The following CFAP45 variants were observed in gnomAD, a reference collection of about 807,000 sequenced individuals.
CFAP45 encodes the protein cilia- and flagella-associated protein 45.
CFAP45 carries 43 observed loss-of-function variants against 75.6 expected under a neutral mutation model. The ratio of observed to expected loss-of-function variants is 0.57; its 90% CI spans 0.45 to 0.73. The LOEUF is 0.73. CFAP45 is among the 30% of genes least tolerant of loss of function. The pLI is 0.00. For synonymous variants in CFAP45, 223 were observed against 244.6 expected (o/e 0.91, Z 0.82); for missense variants, 689 against 701.5 (o/e 0.98, Z 0.20).
rs1469229713 is a variant in CFAP45, at chr1:159,876,692, C to T, written c.1216G>A (p.Glu406Lys). 1 of 1,614,206 alleles carries T rather than the reference C, an allele frequency of 6.2e-7. No homozygotes were observed. Among genetic ancestry groups the T allele is most frequent in the East Asian group, 2.2e-5 (1 of 44,876 alleles). The stretch of plus-strand genomic sequence containing the variant: ...ATCTTCTTCCGCGCATTTTCCTTTT[C>T]CTTTCTGCGCCACTCTCTGTCTGCA... The part of the protein sequence containing the change: ...EVADREWRRK[E>K]KENARKKMET... The change falls in exon 10 of 12, where the codon GAA becomes AAA. Residue 406 changes from glutamate to lysine, a missense_variant. Coordinates refer to ENST00000368099, the MANE Select transcript of CFAP45 (RefSeq NM_012337.3).
At chr1:159,895,905 T>G (rs1004759455) in intron 1 of CFAP45, among the ~76,000 whole-genome samples, 2 of 152,188 alleles carry the variant, frequency 1.3e-5, no homozygotes, top group Non-Finnish European at 2.9e-5. Flanking sequence ...GTAGGAACAA[T>G]ATAGCAATGT....
intron 11 of CFAP45, 103 bp from the exon 12 acceptor site, chr1:159,872,666 C>A: frequency 2.0e-6 from 2 of 999,872 alleles, no homozygotes; most frequent in Non-Finnish European, 1.6e-6. Flanking sequence ...GGGGCCTGCA[C>A]CCCCCAACCC....
At chr1:159,897,048 G>A (rs146010048) in intron 1 of CFAP45, among the ~76,000 whole-genome samples, 3 of 152,062 alleles carry the variant, frequency 2.0e-5, no homozygotes, top group Admixed American at 1.3e-4. Context: ...TGGATCCATC[G>A]AACTCAGGAG....
chr1:159,876,780 C>A (rs757923171), intron 9 of CFAP45, 31 bp from the exon 10 acceptor site: 60 of 1,612,902 alleles, frequency 3.7e-5, no homozygotes, highest in Non-Finnish European at 4.8e-5. Flanking sequence ...CCAGTGAGGG[C>A]ACAAAATAGC....
chr1:159,897,456 G>A (rs1380896804), intron 1 of CFAP45, among the ~76,000 whole-genome samples: 5 of 151,536 alleles, frequency 3.3e-5, no homozygotes, highest in African/African-American at 9.7e-5. Context: ...GGTGGCACAC[G>A]CCTGTAGTCC....
At chr1:159,882,389 T>G (rs1023669308) in intron 7 of CFAP45, among the ~76,000 whole-genome samples, 7 of 152,232 alleles carry the variant, frequency 4.6e-5, no homozygotes, top group Admixed American at 3.9e-4. Context: ...AATCATGTAT[T>G]TATTTACTTC....
intron 5 of CFAP45, among the ~76,000 whole-genome samples, chr1:159,887,085 T>A (rs960509301): frequency 1.8e-4 from 28 of 152,310 alleles, no homozygotes; most frequent in South Asian, 1.2e-3. Flanking sequence ...TAGAGACCCA[T>A]GAACTCCAGG....
intron 7 of CFAP45, among the ~76,000 whole-genome samples, chr1:159,881,340 C>T (rs1435249954): frequency 6.6e-6 from 1 of 152,178 alleles, no homozygotes; most frequent in African/African-American, 2.4e-5. Flanking sequence ...AAAGTATCAA[C>T]CTTCTCTGGA....
At chr1:159,883,531 G>A (rs11265291) in intron 7 of CFAP45, among the ~76,000 whole-genome samples, 79,708 of 151,528 alleles carry the variant, frequency 0.53, 23,648 homozygotes, top group Non-Finnish European at 0.66. Flanking sequence ...ACATGTAAGA[G>A]AGTGTCCATG....
At chr1:159,888,304 G>T in intron 4 of CFAP45, 48 bp downstream of exon 4, 6 of 1,591,696 alleles carry the variant, frequency 3.8e-6, no homozygotes, top group South Asian at 1.1e-5. Flanking sequence ...AGTGCATTTT[G>T]ATTCTGCCAC....
chr1:159,876,197 C>A, intron 10 of CFAP45: 1 of 301,912 alleles, frequency 3.3e-6, no homozygotes, highest in Non-Finnish European at 6.3e-6. Flanking sequence ...TCTATCTTTC[C>A]TAAACCACTC....
chr1:159,881,515 G>A (rs1229146462), intron 7 of CFAP45, among the ~76,000 whole-genome samples: 1 of 152,198 alleles, frequency 6.6e-6, no homozygotes, highest in Admixed American at 6.5e-5. Context: ...AAGGGACCTT[G>A]TGTCACACAT....
intron 1 of CFAP45, among the ~76,000 whole-genome samples, chr1:159,897,584 A>G (rs1353052509): frequency 6.6e-6 from 1 of 152,234 alleles, no homozygotes; most frequent in Non-Finnish European, 1.5e-5. Context: ...CTCCATCTCA[A>G]AAAGAAAAAG....
intron 1 of CFAP45, chr1:159,898,059 G>A (rs969882414): frequency 1.1e-5 from 11 of 965,072 alleles, no homozygotes; most frequent in Non-Finnish European, 1.4e-5. Context: ...TTTCCTAGAT[G>A]TCTTACCCAT....
At chr1:159,898,240 C>T in intron 1 of CFAP45, 1 of 985,420 alleles carries the variant, frequency 1.0e-6, no homozygotes, top group Non-Finnish European at 1.2e-6. Context: ...CAATTATCCT[C>T]TTTCTTCAAT....
intron 5 of CFAP45, 49 bp downstream of exon 5, chr1:159,887,792 G>C: frequency 6.4e-7 from 1 of 1,563,704 alleles, no homozygotes; most frequent in Non-Finnish European, 8.7e-7. Flanking sequence ...GGGGAGGGCG[G>C]AGGGATGGCA....
At position 159,873,154 on chromosome 1, in the gene CFAP45, T is replaced by A. The variant is rs1649321023; in HGVS notation, c.1367A>T (p.Gln456Leu). Residue 456 changes from glutamine to leucine, a missense_variant, in exon 11 of 12, where the codon CAG becomes CTG. Coordinates refer to ENST00000368099, the MANE Select transcript of CFAP45 (RefSeq NM_012337.3). ...FERILRAQRE[Q>L]IEKERLEEEK... ...CTCCTCCAGCCGCTCCTTCTCAATC[T>A]GTTCTCTCTGAGCCCTGGGGGAGGG... 1 of 1,613,726 alleles carries A rather than the reference T, an allele frequency of 6.2e-7. No individual in the cohort carries two copies. The highest frequency in any genetic ancestry group is 1.1e-5 in the South Asian group (1 of 91,082).
chr1:159,873,241 T>TCC, intron 10 of CFAP45, 73 bp from the exon 11 acceptor site: 2 of 1,299,850 alleles, frequency 1.5e-6, no homozygotes, highest in Non-Finnish European at 2.2e-6. Context: ...TGGGGGAGCC[T>TCC]CCTGGGTGGG....
At chr1:159,893,651 T>C (rs1187621941) in intron 1 of CFAP45, among the ~76,000 whole-genome samples, 4 of 152,070 alleles carry the variant, frequency 2.6e-5, no homozygotes, top group Non-Finnish European at 4.4e-5. Context: ...GAGTGCGCAG[T>C]TACAGTTAGA....
Sources: allele counts gnomAD v4.1 joint callset (sites outside exome capture counted in the v4.1 genomes callset), GRCh38; gene constraint gnomAD v4.1.1; transcripts MANE v1.5; gene names NCBI Gene and HGNC (gene_info 2026-07-23, HGNC 2026-07-21).